PCDH11X: variants seen among roughly 807,000 people sequenced by gnomAD.
The protein encoded by PCDH11X is protocadherin 11 X-linked, also known as protocadherin-11 X-linked.
PCDH11X carries 18 observed loss-of-function variants against 53.3 expected under a neutral mutation model. That is an observed-to-expected ratio of 0.34 (90% CI 0.23 to 0.50). PCDH11X has a LOEUF of 0.50. Ranked by LOEUF, PCDH11X falls within the 20% of genes least tolerant of loss-of-function variation. The probability of loss-of-function intolerance (pLI) is 0.98; values close to 1 mark genes in which losing one functional copy is unlikely to be tolerated. For synonymous variants in PCDH11X, 279 were observed against 393.3 expected (o/e 0.71, Z 3.44); for missense variants, 570 against 1,032.4 (o/e 0.55, Z 6.14).
intron 6 of PCDH11X, among the ~76,000 whole-genome samples, chrX:91,982,189 A>G (rs1475255624): frequency 9.1e-6 from 1 of 110,256 alleles, no homozygotes; most frequent in Non-Finnish European, 1.9e-5. Flanking sequence ...GGTAAAGATG[A>G]ACTGGGCTGG....
intron 10 of PCDH11X, among the ~76,000 whole-genome samples, chrX:92,575,932 T>TAC (rs1294124829): frequency 3.2e-4 from 8 of 24,692 alleles, no homozygotes; most frequent in East Asian, 1.3e-3. Flanking sequence ...TATATATATA[T>TAC]ATATATATAT....
chrX:92,148,005 CTTTT>C (rs1210152068), intron 6 of PCDH11X, among the ~76,000 whole-genome samples: 9 of 72,872 alleles, frequency 1.2e-4, no homozygotes, highest in Non-Finnish European at 1.7e-4. Context: ...TTCTTTCTTT[CTTTT>C]TCTTTCCTTC....
chrX:92,088,403 G>A (rs2759950), intron 6 of PCDH11X, among the ~76,000 whole-genome samples: 8 of 110,179 alleles, frequency 7.3e-5, no homozygotes, highest in African/African-American at 2.6e-4. Context: ...TAATGCTTTG[G>A]TCCATGTATC....
chrX:92,039,325 C>A (rs892576294), intron 6 of PCDH11X, among the ~76,000 whole-genome samples: 1 of 112,398 alleles, frequency 8.9e-6, no homozygotes, highest in Non-Finnish European at 1.9e-5. Flanking sequence ...AGGCCCTGTG[C>A]CGGTCCAGAG....
intron 9 of PCDH11X, among the ~76,000 whole-genome samples, chrX:92,428,016 A>G: frequency 1.0e-5 from 1 of 98,035 alleles, no homozygotes; most frequent in Admixed American, 1.2e-4. Flanking sequence ...GATATGGAAA[A>G]TTTTATTTAT....
At chrX:91,977,695 T>A (rs2062064860) in intron 6 of PCDH11X, among the ~76,000 whole-genome samples, 1 of 111,147 alleles carries the variant, frequency 9.0e-6, no homozygotes. Flanking sequence ...ATTTACAATG[T>A]CATCACCCTT....
intron 9 of PCDH11X, among the ~76,000 whole-genome samples, chrX:92,402,991 G>GTA (rs1169052139): frequency 8.2e-5 from 9 of 109,187 alleles, no homozygotes; most frequent in Non-Finnish European, 1.5e-4. Flanking sequence ...GTGCGTGTGT[G>GTA]TATATATATG....
chrX:92,244,733 T>G (rs2067317377), intron 7 of PCDH11X, among the ~76,000 whole-genome samples: 1 of 111,543 alleles, frequency 9.0e-6, no homozygotes, highest in Non-Finnish European at 1.9e-5. Context: ...TTAAGTAACT[T>G]TCCCACGGTC....
chrX:92,175,774 G>A lies in PCDH11X; in HGVS notation c.3034-25601G>A, dbSNP rs867668605. 3.0e-3 allele frequency among the ~76,000 whole-genome samples: 160 copies of A among 53,499 alleles called. 1 individual carries two copies. Among genetic ancestry groups the A allele is most frequent in the African/African-American group, 9.2e-3 (151 of 16,490 alleles). The allele number at this position is 53,499 out of a possible 115,157, so 46.5% of individuals were successfully genotyped here. ...TACATATATGTGTGTGTGTGTGTGT[G>A]TGTATATATATACACACACACACAC... On this transcript the variant is annotated intron_variant, in intron 6 of 10. Transcript: ENST00000682573.
chrX:92,612,183 T>C (rs1195488189), intron 10 of PCDH11X, among the ~76,000 whole-genome samples: 1 of 111,016 alleles, frequency 9.0e-6, no homozygotes, highest in African/African-American at 3.3e-5. Flanking sequence ...ATCTCTTTTT[T>C]GTATGTCTGG....
At chrX:92,407,119 C>A (rs1421296270) in intron 9 of PCDH11X, among the ~76,000 whole-genome samples, 1 of 103,779 alleles carries the variant, frequency 9.6e-6, no homozygotes, top group Non-Finnish European at 2.0e-5. Flanking sequence ...ATGTACAGAC[C>A]TTTCTGCTGT....
intron 6 of PCDH11X, among the ~76,000 whole-genome samples, chrX:91,990,395 T>A (rs1273253299): frequency 9.4e-6 from 1 of 106,663 alleles, no homozygotes; most frequent in African/African-American, 3.5e-5. Flanking sequence ...TGTTGGGAGA[T>A]TTTTATGATG....
intron 7 of PCDH11X, among the ~76,000 whole-genome samples, chrX:92,211,596 T>G (rs1208215505): frequency 1.8e-5 from 2 of 112,041 alleles, no homozygotes; most frequent in East Asian, 5.6e-4. Flanking sequence ...GCTAACAGGA[T>G]CACTAATTCA....
chrX:92,559,976 A>T (rs2148760950), intron 10 of PCDH11X, among the ~76,000 whole-genome samples: 1 of 111,550 alleles, frequency 9.0e-6, no homozygotes, highest in East Asian at 2.8e-4. Flanking sequence ...CAGCTGGGGC[A>T]GCTAAGGGAG....
chrX:91,825,282 C>T (rs1479701256), intron 4 of PCDH11X, among the ~76,000 whole-genome samples: 1 of 110,654 alleles, frequency 9.0e-6, no homozygotes, highest in African/African-American at 3.4e-5. Context: ...GCCTCGCTGC[C>T]ACCTTGCAGT....
At chrX:92,338,921 T>G (rs991253810) in intron 8 of PCDH11X, among the ~76,000 whole-genome samples, 1 of 111,768 alleles carries the variant, frequency 8.9e-6, no homozygotes, top group African/African-American at 3.3e-5. Flanking sequence ...ATAAAATATA[T>G]GAAGACAATA....
intron 8 of PCDH11X, among the ~76,000 whole-genome samples, chrX:92,300,297 T>C (rs1030622419): frequency 7.2e-5 from 8 of 111,222 alleles, no homozygotes; most frequent in South Asian, 3.8e-4. Context: ...AATTAAAAAT[T>C]AAAAATAGAT....
At chrX:91,906,061 G>A (rs762418130) in intron 6 of PCDH11X, among the ~76,000 whole-genome samples, 35 of 110,372 alleles carry the variant, frequency 3.2e-4, no homozygotes, top group Middle Eastern at 4.7e-3. Context: ...AGATCTTTAC[G>A]TTTGAGGATC....
At chrX:92,242,630 T>A (rs2067280846) in intron 7 of PCDH11X, among the ~76,000 whole-genome samples, 1 of 111,832 alleles carries the variant, frequency 8.9e-6, no homozygotes, top group South Asian at 3.7e-4. Context: ...TTCTCTGAAA[T>A]AAATGTCCAA....
Sources: allele counts gnomAD v4.1 joint callset (sites outside exome capture counted in the v4.1 genomes callset), GRCh38; gene constraint gnomAD v4.1.1; transcripts MANE v1.5; gene names NCBI Gene and HGNC (gene_info 2026-07-23, HGNC 2026-07-21).